Variants in LRP1B observed in about 807,000 individuals in gnomAD.
The protein encoded by LRP1B is low-density lipoprotein receptor-related protein 1B.
Under a neutral mutation model 556.6 loss-of-function variants are expected in LRP1B, and 217 were observed. The ratio of observed to expected loss-of-function variants is 0.39; its 90% CI spans 0.35 to 0.44. The LOEUF (loss-of-function observed/expected upper bound fraction) is 0.44. Among genes scored for constraint, LRP1B ranks in the 20% least tolerant of loss-of-function variants. LRP1B has a pLI of 1.00. For synonymous variants in LRP1B, 2,047 were observed against 1,865.8 expected, an observed-to-expected ratio of 1.10 and a Z score of -2.50; for missense variants, 5,053 against 5,620.8, an observed-to-expected ratio of 0.90 and a Z score of 3.23.
intron 1 of LRP1B, among the ~76,000 whole-genome samples, chr2:141,881,128 T>C (rs1453156320): frequency 6.6e-6 from 1 of 152,006 alleles, no homozygotes; most frequent in African/African-American, 2.4e-5. Context: ...AGATGAAGCA[T>C]AGAAAATTAA....
intron 43 of LRP1B, among the ~76,000 whole-genome samples, chr2:140,595,285 A>C (rs1184324349): frequency 6.6e-6 from 1 of 151,784 alleles, no homozygotes; most frequent in African/African-American, 2.4e-5. Flanking sequence ...GAACACTGGC[A>C]TGTGTTAGAT....
chr2:140,811,040 G>GT (rs915813300), intron 32 of LRP1B, among the ~76,000 whole-genome samples: 69 of 151,440 alleles, frequency 4.6e-4, no homozygotes, highest in South Asian at 1.5e-3. Context: ...CGGCCAAGAG[G>GT]TTTTTTTTTG....
At chr2:140,609,270 A>G (rs1221938981) in intron 41 of LRP1B, among the ~76,000 whole-genome samples, 1 of 152,172 alleles carries the variant, frequency 6.6e-6, no homozygotes, top group African/African-American at 2.4e-5. Context: ...TTCCTTAGTG[A>G]GAAAGTGAAA....
Position 140,730,738 on chromosome 2 carries a change from T to C in LRP1B, c.5759-13922A>G, listed in dbSNP as rs1687749498. Among the ~76,000 whole-genome samples, 4 of 152,148 alleles carry C rather than the reference T, an allele frequency of 2.6e-5. No homozygotes were observed. In the South Asian group the frequency reaches 8.3e-4, roughly 32 times the overall value. On this transcript the variant is annotated intron_variant, in intron 35 of 90. Coordinates refer to ENST00000389484, the MANE Select transcript of LRP1B (RefSeq NM_018557.3). ...CATGCCCAGCTAATTTTTGTATTTT[T>C]AGTAGAGACGGAGTTTCACTGTGTT...
intron 41 of LRP1B, among the ~76,000 whole-genome samples, chr2:140,639,632 T>C (rs1356914414): frequency 6.6e-6 from 1 of 152,212 alleles, no homozygotes; most frequent in Non-Finnish European, 1.5e-5. Flanking sequence ...GTTTCCCTTT[T>C]CTACTCTATT....
intron 35 of LRP1B, among the ~76,000 whole-genome samples, chr2:140,766,620 C>A (rs2104927578): frequency 6.7e-6 from 1 of 149,056 alleles, no homozygotes; most frequent in Admixed American, 6.7e-5. Flanking sequence ...GCTCTACAGA[C>A]TGATGATGAT....
intron 60 of LRP1B, among the ~76,000 whole-genome samples, chr2:140,460,536 A>T (rs1687276002): frequency 6.6e-6 from 1 of 152,198 alleles, no homozygotes; most frequent in Admixed American, 6.5e-5. Flanking sequence ...TTATATGACC[A>T]GTTGTCTGTA....
At chr2:140,320,176 T>C (rs1016732595) in intron 82 of LRP1B, among the ~76,000 whole-genome samples, 4 of 152,046 alleles carry the variant, frequency 2.6e-5, no homozygotes, top group African/African-American at 9.7e-5. Flanking sequence ...TGAATAATAA[T>C]CTGAATTCTC....
chr2:141,622,957 T>A (rs10460249), intron 2 of LRP1B, among the ~76,000 whole-genome samples: 114,354 of 152,086 alleles, frequency 0.75, 43,521 homozygotes, highest in East Asian at 0.83. Context: ...ACACAAAAGA[T>A]AGATGGCAGA....
rs546960849 is a variant in LRP1B at position 140,945,329 on chromosome 2, C to G, written c.3136+4906G>C. Among the ~76,000 whole-genome samples the G allele has an allele frequency of 1.8e-4, 28 of 152,152 alleles. No individual in the cohort carries two copies. In the East Asian group the frequency reaches 5.4e-3, roughly 29 times the overall value. On this transcript the variant is annotated intron_variant, in intron 20 of 90. Coordinates refer to ENST00000389484, the MANE Select transcript of LRP1B (RefSeq NM_018557.3). ...AGATTCAACACCATTCCTATCAAAA[C>G]ACCAGCATCAATTTTCACAGAATTA...
chr2:141,460,559 T>A (rs1681826911), intron 3 of LRP1B, among the ~76,000 whole-genome samples: 2 of 152,182 alleles, frequency 1.3e-5, no homozygotes, highest in South Asian at 4.1e-4. Context: ...TAATGCTATG[T>A]CCTGATATAA....
chr2:140,374,646 G>T (rs914643367), intron 68 of LRP1B, among the ~76,000 whole-genome samples: 2 of 152,094 alleles, frequency 1.3e-5, no homozygotes, highest in Non-Finnish European at 2.9e-5. Context: ...AGTACAAACT[G>T]CTGAGTGAAT....
chr2:140,761,358 C>G (rs1053033776), intron 35 of LRP1B, among the ~76,000 whole-genome samples: 3 of 152,166 alleles, frequency 2.0e-5, no homozygotes, highest in African/African-American at 7.2e-5. Flanking sequence ...TAGGCAGCCC[C>G]TAATGTGGCC....
intron 2 of LRP1B, among the ~76,000 whole-genome samples, chr2:141,787,141 T>C (rs1695454277): frequency 1.3e-5 from 2 of 152,082 alleles, no homozygotes. Context: ...ACATTGCTAG[T>C]AGGAATACAA....
At chr2:140,471,747 T>C (rs1687778823) in intron 60 of LRP1B, among the ~76,000 whole-genome samples, 1 of 152,142 alleles carries the variant, frequency 6.6e-6, no homozygotes, top group Non-Finnish European at 1.5e-5. Flanking sequence ...CTAAACACCA[T>C]CAATAGCTCC....
chr2:141,168,398 T>G (rs902610480), intron 7 of LRP1B, among the ~76,000 whole-genome samples: 3 of 152,048 alleles, frequency 2.0e-5, no homozygotes, highest in African/African-American at 7.2e-5. Context: ...AGCAGTGAAG[T>G]GCACTGTGCA....
At chr2:142,113,022 T>G (rs961021058) in intron 1 of LRP1B, among the ~76,000 whole-genome samples, 10 of 152,046 alleles carry the variant, frequency 6.6e-5, no homozygotes, top group African/African-American at 2.4e-4. Context: ...GAATCTTTCT[T>G]CCCCCTGGTG....
At chr2:141,998,060 C>T (rs1702549369) in intron 1 of LRP1B, among the ~76,000 whole-genome samples, 2 of 152,062 alleles carry the variant, frequency 1.3e-5, no homozygotes, top group African/African-American at 4.8e-5. Flanking sequence ...ATAGAGAAAT[C>T]TCTGCAGCAA....
At chr2:140,729,608 T>C (rs1687707314) in intron 35 of LRP1B, among the ~76,000 whole-genome samples, 1 of 152,196 alleles carries the variant, frequency 6.6e-6, no homozygotes, top group African/African-American at 2.4e-5. Context: ...CAATACTTTC[T>C]ATTGAAGGCC....
Sources: allele counts gnomAD v4.1 joint callset (sites outside exome capture counted in the v4.1 genomes callset), GRCh38; gene constraint gnomAD v4.1.1; transcripts MANE v1.5; gene names NCBI Gene and HGNC (gene_info 2026-07-23, HGNC 2026-07-21).